Variants in DCC observed in about 807,000 individuals in gnomAD.
DCC encodes DCC netrin 1 receptor, also known as netrin receptor DCC.
In DCC, 58 loss-of-function variants were observed where a neutral mutation model predicts 172.5. That is an observed-to-expected ratio of 0.34 (90% CI 0.27 to 0.42). The LOEUF is 0.42. DCC is among the 10% of genes least tolerant of loss of function. The probability of loss-of-function intolerance (pLI) is 1.00; values close to 1 mark genes in which losing one functional copy is unlikely to be tolerated. For missense variants in DCC, 1,740 were observed against 1,791.0 expected (o/e 0.97, Z 0.51); for synonymous variants, 709 against 644.5 (o/e 1.10, Z -1.52).
At chr18:53,346,760 C>A (rs977002742) in intron 15 of DCC, among the ~76,000 whole-genome samples, 8 of 152,052 alleles carry the variant, frequency 5.3e-5, no homozygotes, top group African/African-American at 1.9e-4. Context: ...ACATCTGCAC[C>A]ATTTGGGTTG....
At chr18:52,517,587 A>G (rs1013981895) in intron 1 of DCC, among the ~76,000 whole-genome samples, 1 of 152,212 alleles carries the variant, frequency 6.6e-6, no homozygotes, top group Non-Finnish European at 1.5e-5. Context: ...TTTCCTTTTT[A>G]TTAAGTAAAC....
In DCC at chr18:52,490,710, T is replaced by C. The variant is rs141903185; in HGVS notation, c.91+149832T>C. ...TGGTGTATCTCCTTTGAAGAATCCT[T>C]GAAGTTGGGCATCATTGGTAACATT... On this transcript the variant is annotated intron_variant, in intron 1 of 28. Transcript: ENST00000442544. Among the ~76,000 whole-genome samples, 130 of 152,198 alleles carry C rather than the reference T, an allele frequency of 8.5e-4. 1 individual carries two copies. The highest frequency in any genetic ancestry group is 3.5e-4 in the Non-Finnish European group (24 of 67,976).
chr18:52,986,440 A>T (rs1435361945), intron 5 of DCC, among the ~76,000 whole-genome samples: 1 of 152,128 alleles, frequency 6.6e-6, no homozygotes, highest in Non-Finnish European at 1.5e-5. Context: ...AGTCTTAGTC[A>T]TAAAGAGTAG....
chr18:52,916,236 C>T (rs2040038622), intron 3 of DCC, among the ~76,000 whole-genome samples: 2 of 150,272 alleles, frequency 1.3e-5, no homozygotes, highest in Non-Finnish European at 1.5e-5. Flanking sequence ...TCATGAAACA[C>T]CATTTTTACT....
intron 2 of DCC, among the ~76,000 whole-genome samples, chr18:52,783,859 G>T (rs2037602493): frequency 6.6e-6 from 1 of 151,872 alleles, no homozygotes; most frequent in Non-Finnish European, 1.5e-5. Flanking sequence ...ATCATATTTT[G>T]ATATATTTAT....
In DCC at chr18:53,001,360, G is replaced by C. The variant is rs894855945; in HGVS notation, c.986-61945G>C. ...GTTGTCAGTCCTCCAATTACAAAATGTTCAGGGAATAAGGTGCCATCACCT... is the reference window on the plus strand; with the variant it reads ...GTTGTCAGTCCTCCAATTACAAAATCTTCAGGGAATAAGGTGCCATCACCT... On this transcript the variant is annotated intron_variant, in intron 5 of 28. Coordinates refer to ENST00000442544, the MANE Select transcript of DCC (RefSeq NM_005215.4). 5.3e-5 allele frequency among the ~76,000 whole-genome samples: 8 copies of C among 151,996 alleles called. No individual in the cohort carries two copies. The South Asian group carries it at 6.2e-4, about 12-fold the overall frequency.
chr18:53,213,151 G>C (rs529633412), intron 11 of DCC, among the ~76,000 whole-genome samples: 6 of 152,226 alleles, frequency 3.9e-5, no homozygotes, highest in African/African-American at 1.4e-4. Context: ...ATATCAGCTA[G>C]AACAGTACCT....
In DCC at chr18:52,980,058, A is replaced by T. The variant is rs554349271; in HGVS notation, c.985+54688A>T. On this transcript the variant is annotated intron_variant, in intron 5 of 28. Transcript: ENST00000442544. ...TTCAATCACTGTATTTAATTCAATT[A>T]TCTGCCCCCGCCACCCCCAACTGTC... Among the ~76,000 whole-genome samples, 188 of 152,152 alleles carry T rather than the reference A, an allele frequency of 1.2e-3. 1 individual carries two copies. Among genetic ancestry groups the T allele is most frequent in the Non-Finnish European group, 1.6e-3 (106 of 68,018 alleles).
At chr18:53,341,047 G>A (rs1157645279) in intron 15 of DCC, among the ~76,000 whole-genome samples, 1 of 152,154 alleles carries the variant, frequency 6.6e-6, no homozygotes, top group Admixed American at 6.5e-5. Flanking sequence ...AATTTATTTA[G>A]CTTGGCGTTT....
At chr18:53,275,543 A>G (rs1429447722) in intron 12 of DCC, among the ~76,000 whole-genome samples, 1 of 152,140 alleles carries the variant, frequency 6.6e-6, no homozygotes, top group Non-Finnish European at 1.5e-5. Context: ...TCACTGTATT[A>G]CAGTATAACA....
At chr18:52,487,412 C>T (rs925371836) in intron 1 of DCC, among the ~76,000 whole-genome samples, 1 of 152,178 alleles carries the variant, frequency 6.6e-6, no homozygotes, top group East Asian at 1.9e-4. Context: ...TCTATAAAAT[C>T]GAGAAAATAC....
chr18:53,521,625 A>G (rs1188843260), intron 27 of DCC, among the ~76,000 whole-genome samples: 2 of 152,110 alleles, frequency 1.3e-5, no homozygotes, highest in African/African-American at 2.4e-5. Context: ...AATTTCCTAC[A>G]TAGTAAGCTA....
At chr18:52,718,177 A>C (rs1225724559) in intron 1 of DCC, among the ~76,000 whole-genome samples, 1 of 152,168 alleles carries the variant, frequency 6.6e-6, no homozygotes, top group East Asian at 1.9e-4. Flanking sequence ...TTACTTTTCT[A>C]GGTAAGTGTT....
chr18:52,880,629 T>C (rs990833056), intron 2 of DCC, among the ~76,000 whole-genome samples: 7 of 152,334 alleles, frequency 4.6e-5, no homozygotes, highest in Non-Finnish European at 8.8e-5. Context: ...TTTCTGTGTC[T>C]GAGTTATTTC....
intron 26 of DCC, among the ~76,000 whole-genome samples, chr18:53,497,777 C>T (rs1190622110): frequency 2.0e-5 from 3 of 152,190 alleles, no homozygotes; most frequent in Non-Finnish European, 4.4e-5. Flanking sequence ...GGTTTACTTG[C>T]AGCCCTACAC....
At chr18:52,494,317 T>C (rs1284069668) in intron 1 of DCC, among the ~76,000 whole-genome samples, 1 of 149,846 alleles carries the variant, frequency 6.7e-6, no homozygotes, top group East Asian at 2.0e-4. Context: ...CATAGGTGTG[T>C]GTTGGTGTTT....
chr18:52,477,199 T>C (rs1183775451), intron 1 of DCC, among the ~76,000 whole-genome samples: 2 of 152,156 alleles, frequency 1.3e-5, no homozygotes, highest in East Asian at 1.9e-4. Context: ...CTCCATCTTC[T>C]GTGAAAGAAT....
At chr18:53,483,538 A>G (rs1295026325) in intron 25 of DCC, among the ~76,000 whole-genome samples, 1 of 151,912 alleles carries the variant, frequency 6.6e-6, no homozygotes, top group Non-Finnish European at 1.5e-5. Flanking sequence ...TAACAGATAG[A>G]AGTTAACACC....
At chr18:53,318,233 T>A (rs969069476) in intron 13 of DCC, among the ~76,000 whole-genome samples, 5 of 152,218 alleles carry the variant, frequency 3.3e-5, no homozygotes, top group Non-Finnish European at 7.3e-5. Flanking sequence ...TTAATTTCTT[T>A]ATTTACCCAG....
Sources: gnomAD v4.1 joint callset for allele counts (sites outside exome capture counted in the v4.1 genomes callset) on GRCh38, gnomAD v4.1.1 for gene constraint, MANE v1.5 for transcripts, NCBI Gene and HGNC (gene_info 2026-07-23, HGNC 2026-07-21) for gene names.